BCAS3: variants seen among roughly 807,000 people sequenced by gnomAD.
BCAS3 encodes BCAS4/BCAS3 fusion.
BCAS3 carries 53 observed loss-of-function variants against 116.1 expected under a neutral mutation model. That is an observed-to-expected ratio of 0.46 (90% CI 0.37 to 0.57). The LOEUF is 0.57. Ranked by LOEUF, BCAS3 falls within the 20% of genes least tolerant of loss-of-function variation. The pLI, the probability that BCAS3 is intolerant of heterozygous loss-of-function variation, is 0.00. For missense variants in BCAS3, 917 were observed against 1,165.4 expected, an observed-to-expected ratio of 0.79 and a Z score of 3.10; for synonymous variants, 391 against 408.2, an observed-to-expected ratio of 0.96 and a Z score of 0.51.
At chr17:60,980,168 T>A (rs2062706275) in intron 14 of BCAS3, among the ~76,000 whole-genome samples, 3 of 152,208 alleles carry the variant, frequency 2.0e-5, no homozygotes, top group Admixed American at 2.0e-4. Context: ...TTGCCACAAT[T>A]TCAGATCCTG....
intron 6 of BCAS3, among the ~76,000 whole-genome samples, chr17:60,797,781 GT>G (rs1265703109): frequency 6.6e-6 from 1 of 152,064 alleles, no homozygotes; most frequent in East Asian, 1.9e-4. Flanking sequence ...AGAACACGTG[GT>G]GTTTTAATTA....
chr17:60,723,711 CTT>C lies in BCAS3; in HGVS notation c.321+14410_321+14411del, dbSNP rs549083159. On this transcript the variant is annotated intron_variant, in intron 5 of 23. Transcript: ENST00000407086. ...CTATTGTTACTTTTTCACTTTCTTT[CTT>C]TTTTTTTTTTTTTTTTTTTTTTTGA... Among the ~76,000 whole-genome samples, 357 of 88,904 alleles carry C rather than the reference CTT, an allele frequency of 4.0e-3. 2 individuals carry two copies. Among genetic ancestry groups the C allele is most frequent in the African/African-American group, 0.013 (344 of 25,610 alleles). 58.3% of individuals were successfully genotyped at this position (88,904 alleles called of 152,430 possible). A position where few individuals can be genotyped will look rare whatever the true frequency, so the allele number is the denominator to read the frequency against.
intron 22 of BCAS3, among the ~76,000 whole-genome samples, chr17:61,175,360 CTG>C (rs779693109): frequency 6.6e-5 from 10 of 151,318 alleles, no homozygotes; most frequent in Non-Finnish European, 1.0e-4. Flanking sequence ...GATTGTGTCA[CTG>C]TGCTCCAGCC....
chr17:61,306,422 A>G lies in BCAS3; in HGVS notation c.2426-61905A>G, dbSNP rs141607641. 3.8e-4 allele frequency among the ~76,000 whole-genome samples: 58 copies of G among 152,320 alleles called. 1 individual carries two copies. Among genetic ancestry groups the G allele is most frequent in the African/African-American group, 1.3e-3 (55 of 41,568 alleles). ...TGTTTTGTTTTTAAATGAAAAAACA[A>G]TTCCCCTTAAGAAGTGGAAAGTACT... On this transcript the variant is annotated intron_variant, in intron 22 of 23. Coordinates refer to ENST00000407086, the MANE Select transcript of BCAS3 (RefSeq NM_017679.5).
chr17:61,091,975 CAT>C (rs1182409623), intron 22 of BCAS3, among the ~76,000 whole-genome samples: 1 of 152,190 alleles, frequency 6.6e-6, no homozygotes, highest in Non-Finnish European at 1.5e-5. Flanking sequence ...CACATAAAAA[CAT>C]AGAATATTTC....
chr17:60,895,891 G>A (rs1262488252), intron 10 of BCAS3, among the ~76,000 whole-genome samples: 1 of 152,022 alleles, frequency 6.6e-6, no homozygotes, highest in Non-Finnish European at 1.5e-5. Context: ...TACTTGATAT[G>A]ATTCAGTCTT....
intron 9 of BCAS3, among the ~76,000 whole-genome samples, chr17:60,880,031 A>T (rs61440063): frequency 0.12 from 18,416 of 152,064 alleles, 3,373 homozygotes; most frequent in African/African-American, 0.4. Context: ...TGGTGCTGGA[A>T]TCATAGTGGA....
rs1253598441 is a variant in BCAS3, at chr17:61,217,036, C to G, written c.2425+132472C>G. ...GTGGCTGACACCTGTAATCCCAGCA[C>G]TTTGGGAGGCTGAGGTGGGTGGATC... On this transcript the variant is annotated intron_variant, in intron 22 of 23. Transcript: ENST00000407086. The surrounding 1 kb of genome is among the most constrained non-coding windows in gnomAD (Gnocchi z 5.2). Among the ~76,000 whole-genome samples the G allele has an allele frequency of 1.3e-5, 2 of 151,526 alleles. No homozygotes were observed. Among genetic ancestry groups the G allele is most frequent in the African/African-American group, 4.8e-5 (2 of 41,264 alleles).
intron 22 of BCAS3, among the ~76,000 whole-genome samples, chr17:61,322,391 G>T (rs1167330987): frequency 6.6e-6 from 1 of 152,206 alleles, no homozygotes; most frequent in East Asian, 1.9e-4. Context: ...AGATCAGAAA[G>T]AATTGTTTTC....
rs146463365 is a variant in BCAS3, at chr17:61,256,829, A to G, written c.2426-111498A>G. ...ACCCAAAGTGATCTTCTCAGGCCTC[A>G]ACCCCAGCCCATGCAGATGGTATTT... On this transcript the variant is annotated intron_variant, in intron 22 of 23. Transcript: ENST00000407086. This position sits in a 1 kb window ranked among gnomAD's most constrained non-coding sequence, Gnocchi z 5.6. Among the ~76,000 whole-genome samples the G allele has an allele frequency of 6.5e-3, 984 of 152,278 alleles. 4 individuals carry two copies. The highest frequency in any genetic ancestry group is 0.022 in the African/African-American group (933 of 41,568).
chr17:60,842,163 C>A (rs181300815), intron 7 of BCAS3, among the ~76,000 whole-genome samples: 4 of 151,856 alleles, frequency 2.6e-5, no homozygotes, highest in African/African-American at 9.7e-5. Flanking sequence ...TTTTGATATC[C>A]TTTTCTGCTT....
At chr17:60,936,365 T>C (rs1599804834) in intron 13 of BCAS3, among the ~76,000 whole-genome samples, 2 of 152,092 alleles carry the variant, frequency 1.3e-5, no homozygotes, top group African/African-American at 4.8e-5. Flanking sequence ...ATCCTTTGGG[T>C]ATATACCTAG....
chr17:60,681,582 C>T (rs1166862181), intron 2 of BCAS3, among the ~76,000 whole-genome samples: 4 of 149,926 alleles, frequency 2.7e-5, no homozygotes, highest in Non-Finnish European at 5.9e-5. Flanking sequence ...GATGCAGTCT[C>T]GCTCCATTGC....
chr17:60,910,837 T>G (rs185798461), intron 12 of BCAS3, 135 bp downstream of exon 12: 1 of 826,036 alleles, frequency 1.2e-6, no homozygotes, highest in South Asian at 2.7e-5. Flanking sequence ...TCAAATGAGG[T>G]TTTTCTTTAA....
In BCAS3 at chr17:61,131,483, C is replaced by T. The variant is rs1033364482; in HGVS notation, c.2425+46919C>T. On this transcript the variant is annotated intron_variant, in intron 22 of 23. Transcript: ENST00000407086. This position sits in a 1 kb window ranked among gnomAD's most constrained non-coding sequence, Gnocchi z 4.4. Reference sequence around the variant, plus strand: ...AAATAAATTCATAATATATTTTATACGCTTAAAATGAAATTATATTCCAAA... The same window carrying T: ...AAATAAATTCATAATATATTTTATATGCTTAAAATGAAATTATATTCCAAA... 3.3e-5 allele frequency among the ~76,000 whole-genome samples: 5 copies of T among 152,110 alleles called. No individual in the cohort carries two copies. The highest frequency in any genetic ancestry group is 4.1e-4 in the South Asian group (2 of 4,832).
At chr17:60,820,380 A>G (rs2049850257) in intron 7 of BCAS3, among the ~76,000 whole-genome samples, 1 of 152,046 alleles carries the variant, frequency 6.6e-6, no homozygotes, top group African/African-American at 2.4e-5. Flanking sequence ...GAGGCTTCCT[A>G]TGGGGTCATC....
Position 61,132,233 on chromosome 17 carries a change from C to T in BCAS3, c.2425+47669C>T, listed in dbSNP as rs1255835865. 6.6e-6 allele frequency among the ~76,000 whole-genome samples: 1 copy of T among 152,252 alleles called. No homozygotes were observed. Among genetic ancestry groups the T allele is most frequent in the Non-Finnish European group, 1.5e-5 (1 of 68,026 alleles). ...CTTCTTATTTTTACAAGACAGAATGCCAGCAGAAAAAAACAAATTCCTGTT... is the reference window on the plus strand; with the variant it reads ...CTTCTTATTTTTACAAGACAGAATGTCAGCAGAAAAAAACAAATTCCTGTT... On this transcript the variant is annotated intron_variant, in intron 22 of 23. Transcript: ENST00000407086. The surrounding 1 kb of genome is among the most constrained non-coding windows in gnomAD (Gnocchi z 5.1).
At chr17:61,038,517 T>G (rs1405998403) in intron 18 of BCAS3, among the ~76,000 whole-genome samples, 2 of 151,920 alleles carry the variant, frequency 1.3e-5, no homozygotes, top group Non-Finnish European at 2.9e-5. Flanking sequence ...CCTCCCAAAG[T>G]GCTGGAATTA....
chr17:60,965,890 C>T (rs77742913), intron 14 of BCAS3, among the ~76,000 whole-genome samples: 1 of 152,230 alleles, frequency 6.6e-6, no homozygotes, highest in East Asian at 1.9e-4. Context: ...TCTGCTGTTT[C>T]ATTGTTGATT....
Sources: gnomAD v4.1 joint callset for allele counts (sites outside exome capture counted in the v4.1 genomes callset) on GRCh38, gnomAD v4.1.1 for gene constraint, Gnocchi (gnomAD v3.1) non-coding constraint, MANE v1.5 for transcripts, NCBI Gene and HGNC (gene_info 2026-07-23, HGNC 2026-07-21) for gene names.